The following RAB11FIP4 variants were observed in gnomAD, a reference collection of about 807,000 sequenced individuals.
RAB11FIP4 encodes the protein rab11 family-interacting protein 4.
RAB11FIP4 carries 23 observed loss-of-function variants against 74.3 expected under a neutral mutation model. That is an observed-to-expected ratio of 0.31 (90% CI 0.22 to 0.44). The LOEUF (loss-of-function observed/expected upper bound fraction) is 0.44, where lower values mean the gene tolerates loss of function less well. Among genes scored for constraint, RAB11FIP4 ranks in the 20% least tolerant of loss-of-function variants. The probability of loss-of-function intolerance (pLI) is 1.00; values close to 1 mark genes in which losing one functional copy is unlikely to be tolerated. For missense variants in RAB11FIP4, 630 were observed against 863.9 expected (o/e 0.73, Z 3.39); for synonymous variants, 360 against 359.9 (o/e 1.00, Z 0.00).
At chr17:31,457,703 C>T (rs537487394) in intron 3 of RAB11FIP4, among the ~76,000 whole-genome samples, 82 of 151,958 alleles carry the variant, frequency 5.4e-4, no homozygotes, top group African/African-American at 1.8e-3. Context: ...TCACCCCCAG[C>T]CCCGCAGGTG....
At chr17:31,480,009 G>A (rs2071830901) in intron 3 of RAB11FIP4, among the ~76,000 whole-genome samples, 1 of 152,030 alleles carries the variant, frequency 6.6e-6, no homozygotes, top group African/African-American at 2.4e-5. Flanking sequence ...CTCTTCTAAC[G>A]CATCTCCCAG....
chr17:31,420,498 G>C (rs930256946), intron 1 of RAB11FIP4, among the ~76,000 whole-genome samples: 14 of 152,028 alleles, frequency 9.2e-5, no homozygotes, highest in African/African-American at 3.4e-4. Context: ...CTCCCAAAGT[G>C]CTGGGATGAC....
At chr17:31,422,223 A>C (rs1398000111) in intron 1 of RAB11FIP4, among the ~76,000 whole-genome samples, 3 of 152,200 alleles carry the variant, frequency 2.0e-5, no homozygotes, top group Admixed American at 6.5e-5. Context: ...CGTCCAAGAT[A>C]TGATCTACAT....
At chr17:31,445,194 G>A (rs2071439653) in intron 3 of RAB11FIP4, among the ~76,000 whole-genome samples, 1 of 152,008 alleles carries the variant, frequency 6.6e-6, no homozygotes, top group African/African-American at 2.4e-5. Context: ...GAGTTGACTT[G>A]GTCTCCAACT....
At chr17:31,517,191 C>CCG (rs1249044714) in intron 3 of RAB11FIP4, among the ~76,000 whole-genome samples, 3 of 42,700 alleles carry the variant, frequency 7.0e-5, no homozygotes. Flanking sequence ...GGAGGCGGTG[C>CCG]GGGGGGGGGG....
intron 3 of RAB11FIP4, among the ~76,000 whole-genome samples, chr17:31,439,183 C>T (rs1361725110): frequency 6.6e-6 from 1 of 152,228 alleles, no homozygotes; most frequent in Non-Finnish European, 1.5e-5. Flanking sequence ...GCATCGTTAT[C>T]CATGCTCCTT....
intron 10 of RAB11FIP4, 186 bp from the exon 11 acceptor site, chr17:31,527,656 A>T: frequency 1.8e-6 from 1 of 542,834 alleles, no homozygotes; most frequent in Non-Finnish European, 3.3e-6. Flanking sequence ...AGTCCTTACT[A>T]TTTTGCTTTG....
chr17:31,418,855 G>A lies in RAB11FIP4; in HGVS notation c.160-12958G>A, dbSNP rs537396529. Among the ~76,000 whole-genome samples the A allele has an allele frequency of 8.5e-5, 13 of 152,258 alleles. No individual in the cohort carries two copies. The South Asian group carries it at 2.7e-3, about 32-fold the overall frequency. On this transcript the variant is annotated intron_variant, in intron 1 of 14. Transcript: ENST00000621161. ...TCGCTTTTTGGGGGTGGGGGAAGAAGTGTCACTATTTACATAGACTCCTGT... is the reference window on the plus strand; with the variant it reads ...TCGCTTTTTGGGGGTGGGGGAAGAAATGTCACTATTTACATAGACTCCTGT...
intron 3 of RAB11FIP4, among the ~76,000 whole-genome samples, chr17:31,468,273 C>G (rs1303196759): frequency 6.6e-6 from 1 of 152,136 alleles, no homozygotes; most frequent in Non-Finnish European, 1.5e-5. Flanking sequence ...CTCAGACCCC[C>G]ACACACATGC....
At chr17:31,438,082 TC>T (rs1426894059) in intron 3 of RAB11FIP4, among the ~76,000 whole-genome samples, 1 of 152,102 alleles carries the variant, frequency 6.6e-6, no homozygotes, top group East Asian at 1.9e-4. Context: ...CCTGAAGGAC[TC>T]CCCAGGTTCC....
intron 1 of RAB11FIP4, among the ~76,000 whole-genome samples, chr17:31,425,421 G>A (rs1269228128): frequency 3.3e-5 from 5 of 152,344 alleles, no homozygotes; most frequent in African/African-American, 1.2e-4. Flanking sequence ...TGGCTTGCTT[G>A]AGTCCATCTG....
intron 3 of RAB11FIP4, among the ~76,000 whole-genome samples, chr17:31,494,757 A>G (rs1245154230): frequency 6.6e-6 from 1 of 152,158 alleles, no homozygotes; most frequent in Non-Finnish European, 1.5e-5. Flanking sequence ...GATTACAGGC[A>G]TGAGCCTCTG....
intron 3 of RAB11FIP4, among the ~76,000 whole-genome samples, chr17:31,511,403 C>T (rs139042616): frequency 7.6e-4 from 116 of 152,356 alleles, no homozygotes; most frequent in African/African-American, 2.7e-3. Flanking sequence ...CAGCATCAGA[C>T]AGTCAGGCAG....
At chr17:31,518,078 G>C (rs1403266843) in intron 4 of RAB11FIP4, among the ~76,000 whole-genome samples, 1 of 151,794 alleles carries the variant, frequency 6.6e-6, no homozygotes, top group East Asian at 1.9e-4. Context: ...ATTTTAGGCA[G>C]CTGTGCAAAG....
At chr17:31,493,026 G>A (rs1252724958) in intron 3 of RAB11FIP4, among the ~76,000 whole-genome samples, 2 of 152,084 alleles carry the variant, frequency 1.3e-5, no homozygotes, top group Non-Finnish European at 2.9e-5. Flanking sequence ...GGTCAGAGGG[G>A]TGGCTGTGAT....
chr17:31,523,839 T>G lies in RAB11FIP4; in HGVS notation c.1030-54T>G, dbSNP rs1407071522. On this transcript the variant is annotated intron_variant, in intron 8 of 14. Transcript: ENST00000621161. ...CATGAACCTCATGGCGTCGAGGTTC[T>G]CGGTTCTGTGGCCTCAGAGGTCTTC... The G allele has an allele frequency of 2.9e-6, 4 of 1,379,498 alleles. No homozygotes were observed. In the Admixed American group the frequency reaches 7.6e-5, roughly 26 times the overall value. 85.5% of individuals were successfully genotyped at this position (1,379,498 alleles called of 1,614,324 possible). A position where few individuals can be genotyped will look rare whatever the true frequency, so the allele number is the denominator to read the frequency against.
intron 1 of RAB11FIP4, among the ~76,000 whole-genome samples, chr17:31,426,084 G>A (rs140669204): frequency 2.0e-5 from 3 of 152,166 alleles, no homozygotes; most frequent in Non-Finnish European, 4.4e-5. Context: ...GTGATCCAAG[G>A]CGAGGGGTCC....
At chr17:31,471,069 T>G (rs1171629222) in intron 3 of RAB11FIP4, among the ~76,000 whole-genome samples, 1 of 80,330 alleles carries the variant, frequency 1.2e-5, no homozygotes, top group African/African-American at 1.2e-4. Context: ...AAATGGAAGG[T>G]TTTTTTTTTT....
intron 3 of RAB11FIP4, among the ~76,000 whole-genome samples, chr17:31,496,325 G>A (rs755274086): frequency 1.3e-5 from 2 of 152,170 alleles, no homozygotes; most frequent in African/African-American, 4.8e-5. Flanking sequence ...CATATGAATC[G>A]TGGCTCCACA....
Sources: gnomAD v4.1 joint callset for allele counts (sites outside exome capture counted in the v4.1 genomes callset) on GRCh38, gnomAD v4.1.1 for gene constraint, MANE v1.5 for transcripts, NCBI Gene and HGNC (gene_info 2026-07-23, HGNC 2026-07-21) for gene names.